Variants in NR3C2 observed in about 807,000 individuals in gnomAD.
NR3C2 encodes mineralocorticoid receptor.
A neutral mutation model predicts 86.4 loss-of-function variants in NR3C2; 15 were observed. The observed-to-expected ratio is 0.17, with a 90% CI of 0.12 to 0.27. NR3C2 has a LOEUF of 0.27. NR3C2 is among the 10% of genes least tolerant of loss of function. The pLI is 1.00. For synonymous variants in NR3C2, 458 were observed against 450.5 expected, an observed-to-expected ratio of 1.02 and a Z score of -0.21; for missense variants, 960 against 1,195.6, an observed-to-expected ratio of 0.80 and a Z score of 2.91.
At chr4:148,334,086 T>C (rs903901197) in intron 2 of NR3C2, among the ~76,000 whole-genome samples, 4 of 152,202 alleles carry the variant, frequency 2.6e-5, no homozygotes, top group African/African-American at 7.2e-5. Context: ...CCAGATGTCA[T>C]GAAGTACCGT....
chr4:148,235,264 A>T (rs1367605850), intron 3 of NR3C2, among the ~76,000 whole-genome samples: 1 of 138,736 alleles, frequency 7.2e-6, no homozygotes, highest in Admixed American at 7.0e-5. Flanking sequence ...AGTGGCAATT[A>T]TATATATATA....
At chr4:148,142,704 C>G (rs1475536946) in intron 6 of NR3C2, among the ~76,000 whole-genome samples, 3 of 152,168 alleles carry the variant, frequency 2.0e-5, no homozygotes, top group Non-Finnish European at 4.4e-5. Flanking sequence ...CCATGTTACC[C>G]AGGCTGGTCT....
chr4:148,179,077 G>C (rs1253951686), intron 4 of NR3C2, among the ~76,000 whole-genome samples: 3 of 151,606 alleles, frequency 2.0e-5, no homozygotes, highest in Admixed American at 2.0e-4. Flanking sequence ...TCCATTATCT[G>C]CAGTGACCTG....
intron 3 of NR3C2, among the ~76,000 whole-genome samples, chr4:148,221,013 G>A (rs1368511753): frequency 6.6e-6 from 1 of 150,570 alleles, no homozygotes; most frequent in Non-Finnish European, 1.5e-5. Context: ...GCTAGCAACT[G>A]AAACATGTAC....
chr4:148,090,264 G>A (rs1341281818), intron 8 of NR3C2, among the ~76,000 whole-genome samples: 1 of 152,234 alleles, frequency 6.6e-6, no homozygotes, highest in Non-Finnish European at 1.5e-5. Flanking sequence ...AGTGTGACGA[G>A]GGAAGGGAGG....
intron 4 of NR3C2, among the ~76,000 whole-genome samples, chr4:148,193,887 C>T (rs1329433867): frequency 3.9e-5 from 6 of 152,120 alleles, no homozygotes; most frequent in Non-Finnish European, 7.4e-5. Flanking sequence ...AGATGGTTAT[C>T]CAATTGTCAT....
chr4:148,404,192 C>T lies in NR3C2; in HGVS notation c.1757+30912G>A, dbSNP rs1748301918. Among the ~76,000 whole-genome samples the T allele has an allele frequency of 2.6e-5, 4 of 151,972 alleles. No individual in the cohort carries two copies. The South Asian group carries it at 6.2e-4, about 24-fold the overall frequency. On this transcript the variant is annotated intron_variant, in intron 2 of 8. Coordinates refer to ENST00000358102, the MANE Select transcript of NR3C2 (RefSeq NM_000901.5). ...TTCATTTCATAGATCAGGCTTAAGG[C>T]CTGGCACACCTGCATAAAATAACTG...
chr4:148,134,034 T>C (rs1257480253), intron 6 of NR3C2, among the ~76,000 whole-genome samples: 1 of 152,228 alleles, frequency 6.6e-6, no homozygotes, highest in East Asian at 1.9e-4. Context: ...GAAAACATTT[T>C]TGGATGCCAC....
intron 3 of NR3C2, among the ~76,000 whole-genome samples, chr4:148,215,841 T>C (rs573700351): frequency 4.0e-4 from 59 of 148,774 alleles, no homozygotes; most frequent in Non-Finnish European, 6.8e-4. Flanking sequence ...GTGCAGTGGC[T>C]CGATCTCAGC....
At chr4:148,342,077 G>A (rs1468825687) in intron 2 of NR3C2, among the ~76,000 whole-genome samples, 1 of 152,060 alleles carries the variant, frequency 6.6e-6, no homozygotes, top group African/African-American at 2.4e-5. Flanking sequence ...CCAGCCGGGG[G>A]GATGAGGGAG....
intron 6 of NR3C2, among the ~76,000 whole-genome samples, chr4:148,134,518 C>T (rs191603552): frequency 2.6e-4 from 39 of 152,052 alleles, no homozygotes; most frequent in Admixed American, 6.6e-4. Context: ...AACTAAGTAG[C>T]GGTGCAGTTT....
rs184755149 is a variant in NR3C2, at chr4:148,230,970, A to C, written c.1897+29008T>G. Among the ~76,000 whole-genome samples, 8 of 152,326 alleles carry C rather than the reference A, an allele frequency of 5.3e-5. No individual in the cohort carries two copies. In the East Asian group the frequency reaches 1.4e-3, roughly 26 times the overall value. On this transcript the variant is annotated intron_variant, in intron 3 of 8. Coordinates refer to ENST00000358102, the MANE Select transcript of NR3C2 (RefSeq NM_000901.5). ...GCTCTTGTAATACAAACTCAAAATG[A>C]ATTCTAAGATGTGTGTGGTGGTCAC...
intron 3 of NR3C2, among the ~76,000 whole-genome samples, chr4:148,196,093 T>C (rs1736429815): frequency 6.6e-6 from 1 of 152,166 alleles, no homozygotes; most frequent in Admixed American, 6.5e-5. Context: ...GAGAGGAAAG[T>C]GGGCTGGGTC....
At chr4:148,325,077 T>C (rs1428640718) in intron 2 of NR3C2, among the ~76,000 whole-genome samples, 1 of 152,046 alleles carries the variant, frequency 6.6e-6, no homozygotes, top group Non-Finnish European at 1.5e-5. Context: ...TGAGATCTGT[T>C]GCTATAACTA....
intron 8 of NR3C2, among the ~76,000 whole-genome samples, chr4:148,092,585 G>A (rs932954586): frequency 1.6e-4 from 24 of 152,196 alleles, no homozygotes; most frequent in Admixed American, 7.2e-4. Flanking sequence ...TTTTAGGGTA[G>A]CATGTTGCTA....
At chr4:148,343,327 C>A (rs577166280) in intron 2 of NR3C2, among the ~76,000 whole-genome samples, 3 of 152,192 alleles carry the variant, frequency 2.0e-5, no homozygotes, top group Non-Finnish European at 2.9e-5. Context: ...AGGGTTTAAC[C>A]CTTTATTTTG....
intron 3 of NR3C2, among the ~76,000 whole-genome samples, chr4:148,201,863 C>T (rs1304822965): frequency 5.9e-5 from 9 of 152,168 alleles, no homozygotes. Flanking sequence ...TCCCTCTATA[C>T]ACATGGCTGA....
At chr4:148,380,047 T>C (rs796194722) in intron 2 of NR3C2, among the ~76,000 whole-genome samples, 29 of 152,364 alleles carry the variant, frequency 1.9e-4, no homozygotes, top group African/African-American at 6.7e-4. Flanking sequence ...GGCTGTAGTA[T>C]TATAAATGCA....
At chr4:148,324,412 T>C (rs1743845487) in intron 2 of NR3C2, among the ~76,000 whole-genome samples, 1 of 151,784 alleles carries the variant, frequency 6.6e-6, no homozygotes, top group African/African-American at 2.4e-5. Context: ...GCACATTTTC[T>C]TCATCCATTC....
Sources: allele counts gnomAD v4.1 joint callset (sites outside exome capture counted in the v4.1 genomes callset), GRCh38; gene constraint gnomAD v4.1.1; transcripts MANE v1.5; gene names NCBI Gene and HGNC (gene_info 2026-07-23, HGNC 2026-07-21).